PPP1R12A: variants seen among roughly 807,000 people sequenced by gnomAD.
The protein encoded by PPP1R12A is protein phosphatase 1 regulatory subunit 12A, also known as myosin binding subunit.
Under a neutral mutation model 139.6 loss-of-function variants are expected in PPP1R12A, and 19 were observed. The observed-to-expected ratio is 0.14, with a 90% confidence interval of 0.09 to 0.20. PPP1R12A has a LOEUF of 0.20. Among genes scored for constraint, PPP1R12A ranks in the 10% least tolerant of loss-of-function variants. PPP1R12A has a pLI of 1.00. For synonymous variants in PPP1R12A, 427 were observed against 420.6 expected (o/e 1.02, Z -0.19); for missense variants, 925 against 1,211.5 (o/e 0.76, Z 3.51).
intron 18 of PPP1R12A, 113 bp downstream of exon 18, chr12:79,795,525 A>C: frequency 8.8e-7 from 1 of 1,136,914 alleles, no homozygotes. Context: ...CACAGTGATG[A>C]TTTAAGGAAT....
At chr12:79,845,638 A>G (rs560502682) in intron 2 of PPP1R12A, among the ~76,000 whole-genome samples, 1 of 152,250 alleles carries the variant, frequency 6.6e-6, no homozygotes, top group Non-Finnish European at 1.5e-5. Flanking sequence ...GGTCAGATCA[A>G]GACCATCCTA....
chr12:79,909,111 G>A (rs187712171), intron 1 of PPP1R12A, among the ~76,000 whole-genome samples: 79 of 152,242 alleles, frequency 5.2e-4, no homozygotes, highest in African/African-American at 1.8e-3. Flanking sequence ...TGAGAACACT[G>A]TTCAGTCAAA....
At position 79,845,276 on chromosome 12, in the gene PPP1R12A, T is replaced by A. The variant is rs1466636123; in HGVS notation, c.487+26A>T. 4 of 1,510,938 alleles carry A rather than the reference T, an allele frequency of 2.6e-6. No individual in the cohort carries two copies. The Admixed American group carries it at 5.3e-5, about 20-fold the overall frequency. The allele number at this position is 1,510,938 out of a possible 1,614,324, so 93.6% of individuals were successfully genotyped here. A position where few individuals can be genotyped will look rare whatever the true frequency, so the allele number is the denominator to read the frequency against. On this transcript the variant is annotated intron_variant, in intron 3 of 24. Coordinates refer to ENST00000450142, the MANE Select transcript of PPP1R12A (RefSeq NM_002480.3). ...TATCACATTCTTTCTAAAACATTTT[T>A]CCATTTAGGTTGCTTTTTATTTTAC...
At chr12:79,876,812 C>A (rs115517928) in intron 1 of PPP1R12A, among the ~76,000 whole-genome samples, 2 of 152,072 alleles carry the variant, frequency 1.3e-5, no homozygotes, top group Non-Finnish European at 2.9e-5. Flanking sequence ...CAGATCAAGA[C>A]CATCCTGGGA....
At chr12:79,783,874 TCA>T (rs1407061645) in intron 22 of PPP1R12A, among the ~76,000 whole-genome samples, 1 of 152,202 alleles carries the variant, frequency 6.6e-6, no homozygotes, top group Non-Finnish European at 1.5e-5. Flanking sequence ...GCTGTTAAAA[TCA>T]CAATGGTTAA....
chr12:79,807,813 T>C (rs1874034624), intron 11 of PPP1R12A, among the ~76,000 whole-genome samples: 1 of 151,706 alleles, frequency 6.6e-6, no homozygotes, highest in Non-Finnish European at 1.5e-5. Flanking sequence ...CCGAGACAGG[T>C]GGATCACAAG....
At chr12:79,788,059 A>G (rs1442041903) in intron 21 of PPP1R12A, 4 of 152,498 alleles carry the variant, frequency 2.6e-5, no homozygotes, top group Middle Eastern at 3.4e-3. Context: ...CTCATAATGT[A>G]AAATGATTCT....
intron 2 of PPP1R12A, among the ~76,000 whole-genome samples, chr12:79,846,979 T>TTCC (rs1275899815): frequency 6.6e-6 from 1 of 152,082 alleles, no homozygotes; most frequent in African/African-American, 2.4e-5. Flanking sequence ...TCCTAACCAA[T>TTCC]TTAGCTCCTT....
At chr12:79,794,581 A>T (rs148753373) in intron 18 of PPP1R12A, among the ~76,000 whole-genome samples, 23 of 149,944 alleles carry the variant, frequency 1.5e-4, no homozygotes, top group Middle Eastern at 3.5e-3. Context: ...GTTGTTTATT[A>T]AAAAAAACAC....
intron 14 of PPP1R12A, among the ~76,000 whole-genome samples, chr12:79,802,385 C>G (rs115311466): frequency 6.6e-6 from 1 of 152,230 alleles, no homozygotes; most frequent in African/African-American, 2.4e-5. Flanking sequence ...ATTTATGTAC[C>G]TACTGGCCCT....
chr12:79,846,832 A>G (rs768874262), intron 2 of PPP1R12A, among the ~76,000 whole-genome samples: 3 of 152,038 alleles, frequency 2.0e-5, no homozygotes, highest in Admixed American at 6.6e-5. Flanking sequence ...CTTCTTTTTC[A>G]GCCTCCTCCT....
chr12:79,890,758 C>A (rs1454515756), intron 1 of PPP1R12A, among the ~76,000 whole-genome samples: 5 of 151,920 alleles, frequency 3.3e-5, no homozygotes, highest in Admixed American at 6.6e-5. Context: ...ACCTTGCCTG[C>A]AATAAACTCA....
chr12:79,875,670 T>G (rs1005454156), intron 1 of PPP1R12A, among the ~76,000 whole-genome samples: 1 of 152,246 alleles, frequency 6.6e-6, no homozygotes, highest in Non-Finnish European at 1.5e-5. Context: ...GGAAAATTCA[T>G]GTGCTACCCA....
At chr12:79,897,190 T>C (rs1023719289) in intron 1 of PPP1R12A, among the ~76,000 whole-genome samples, 9 of 152,200 alleles carry the variant, frequency 5.9e-5, no homozygotes, top group African/African-American at 1.2e-4. Flanking sequence ...ATACACACCA[T>C]GGAATTCTAG....
intron 3 of PPP1R12A, among the ~76,000 whole-genome samples, chr12:79,838,948 C>A (rs552707735): frequency 4.0e-4 from 61 of 152,246 alleles, no homozygotes; most frequent in Middle Eastern, 3.4e-3. Context: ...TCTTCCAGAC[C>A]CCAGAATGAC....
chr12:79,913,518 T>C (rs575400511), intron 1 of PPP1R12A, among the ~76,000 whole-genome samples: 1 of 152,314 alleles, frequency 6.6e-6, no homozygotes, highest in African/African-American at 2.4e-5. Context: ...CCACACTCTA[T>C]TCTGATTCAT....
rs1331500041 is a variant in PPP1R12A, at chr12:79,781,819, T to A, written c.2951A>T (p.Lys984Ile). ...FADRSLLEME[K>I]RERRALERRI... ...TTTAATAAGTGGGACACTTACCCTT[T>A]TTTCCATTTCCAACAGTGATCTATC... The change falls in exon 23 of 25, where the codon AAA (lysine) becomes ATA (isoleucine). Residue 984 changes from lysine to isoleucine, a missense_variant. Lys to Ile is a moderately radical substitution (Grantham distance 102, BLOSUM62 -3). Around this residue, in one of 4 missense-constraint regions of PPP1R12A, gnomAD observed 315 missense variants for 363.4 expected, o/e 0.87. Transcript: ENST00000450142. 1.3e-6 allele frequency: 2 copies of A among 1,528,282 alleles called. 1 individual carries two copies. The highest frequency in any genetic ancestry group is 2.5e-5 in the South Asian group (2 of 80,436). The allele number at this position is 1,528,282 out of a possible 1,614,324, so 94.7% of individuals were successfully genotyped here.
chr12:79,907,030 T>A (rs1395721200), intron 1 of PPP1R12A, among the ~76,000 whole-genome samples: 1 of 152,164 alleles, frequency 6.6e-6, no homozygotes, highest in Non-Finnish European at 1.5e-5. Context: ...TGCATAAATT[T>A]TTTAATGTAC....
At chr12:79,929,318 C>T (rs1404356220) in intron 1 of PPP1R12A, among the ~76,000 whole-genome samples, 2 of 152,186 alleles carry the variant, frequency 1.3e-5, no homozygotes, top group African/African-American at 2.4e-5. Flanking sequence ...GACCTGTCCA[C>T]GGCCCAGCGT....
Sources: gnomAD v4.1 joint callset for allele counts (sites outside exome capture counted in the v4.1 genomes callset) on GRCh38, gnomAD v4.1.1 for gene constraint, gnomAD v4.1.1 regional missense constraint, MANE v1.5 for transcripts, NCBI Gene and HGNC (gene_info 2026-07-23, HGNC 2026-07-21) for gene names.